The following MGAT4C variants were observed in gnomAD, a reference collection of about 807,000 sequenced individuals.
The protein encoded by MGAT4C is alpha-1,3-mannosyl-glycoprotein 4-beta-N-acetylglucosaminyltransferase C.
MGAT4C carries 19 observed loss-of-function variants against 40.1 expected under a neutral mutation model. The observed-to-expected ratio is 0.47, with a 90% CI of 0.33 to 0.70. The LOEUF (loss-of-function observed/expected upper bound fraction) is 0.70, where lower values mean the gene tolerates loss of function less well. Among genes scored for constraint, MGAT4C ranks in the 30% least tolerant of loss-of-function variants. The probability of loss-of-function intolerance (pLI) is 0.02; values close to 1 mark genes in which losing one functional copy is unlikely to be tolerated. For missense variants in MGAT4C, 491 were observed against 563.2 expected, an observed-to-expected ratio of 0.87 and a Z score of 1.30; for synonymous variants, 181 against 187.1, an observed-to-expected ratio of 0.97 and a Z score of 0.27.
chr12:86,465,850 C>T (rs1275580112), intron 2 of MGAT4C, among the ~76,000 whole-genome samples: 1 of 151,990 alleles, frequency 6.6e-6, no homozygotes, highest in African/African-American at 2.4e-5. Context: ...CATTCTCTTA[C>T]CATATAATCC....
chr12:86,419,933 T>C (rs966246205), intron 3 of MGAT4C, among the ~76,000 whole-genome samples: 8 of 152,076 alleles, frequency 5.3e-5, no homozygotes, highest in Admixed American at 3.9e-4. Flanking sequence ...AAAACAGAGA[T>C]AGGAAAAAAC....
At chr12:86,019,494 C>A (rs1305750990) in intron 2 of MGAT4C, among the ~76,000 whole-genome samples, 1 of 152,046 alleles carries the variant, frequency 6.6e-6, no homozygotes, top group African/African-American at 2.4e-5. Flanking sequence ...GCTTCAAAGT[C>A]AAGTTAAAAA....
chr12:86,066,093 A>G (rs1283542668), intron 1 of MGAT4C, among the ~76,000 whole-genome samples: 1 of 152,078 alleles, frequency 6.6e-6, no homozygotes, highest in East Asian at 1.9e-4. Context: ...TTCCTTGCTC[A>G]GGGAGAGGAA....
chr12:86,614,192 T>A (rs1039616250), intron 2 of MGAT4C, among the ~76,000 whole-genome samples: 1 of 152,170 alleles, frequency 6.6e-6, no homozygotes, highest in Non-Finnish European at 1.5e-5. Context: ...TCTGGTTCTA[T>A]CCAGTGTGTT....
intron 3 of MGAT4C, among the ~76,000 whole-genome samples, chr12:86,381,835 G>A (rs187956752): frequency 7.2e-5 from 11 of 152,228 alleles, no homozygotes; most frequent in East Asian, 1.9e-4. Flanking sequence ...TGCTGTTCTC[G>A]TAATAGTGAA....
intron 1 of MGAT4C, among the ~76,000 whole-genome samples, chr12:86,741,218 C>A (rs1193707768): frequency 6.6e-6 from 1 of 150,854 alleles, no homozygotes; most frequent in Admixed American, 6.6e-5. Context: ...GTACTGTTGA[C>A]AATAGCAAAG....
chr12:86,268,370 C>T (rs1006139534), intron 4 of MGAT4C, among the ~76,000 whole-genome samples: 4 of 151,974 alleles, frequency 2.6e-5, no homozygotes, highest in Non-Finnish European at 5.9e-5. Context: ...ACTGGCCCAT[C>T]ACAAAAGAGT....
At chr12:86,391,278 A>G (rs1390883180) in intron 3 of MGAT4C, among the ~76,000 whole-genome samples, 2 of 152,184 alleles carry the variant, frequency 1.3e-5, no homozygotes, top group Non-Finnish European at 2.9e-5. Context: ...TTTGATTTTT[A>G]GAGTAAAGGA....
intron 3 of MGAT4C, among the ~76,000 whole-genome samples, chr12:86,411,138 T>G (rs1430612893): frequency 6.6e-6 from 1 of 152,144 alleles, no homozygotes; most frequent in Non-Finnish European, 1.5e-5. Flanking sequence ...AAAATAGCAA[T>G]GTGAGAATGG....
intron 4 of MGAT4C, among the ~76,000 whole-genome samples, chr12:86,283,329 G>A (rs900240432): frequency 6.6e-6 from 1 of 151,898 alleles, no homozygotes; most frequent in African/African-American, 2.4e-5. Flanking sequence ...TTCTTATAGT[G>A]TTTTATAGTG....
At chr12:86,051,069 T>TTGGTTTATGGAGTTTATG (rs1892847159) in intron 1 of MGAT4C, among the ~76,000 whole-genome samples, 2 of 151,972 alleles carry the variant, frequency 1.3e-5, no homozygotes, top group African/African-American at 2.4e-5. Context: ...AGCAAGGTGT[T>TTGGTTTATGGAGTTTATG]TGGTTTATGG....
At chr12:86,373,642 A>G (rs1297198548) in intron 3 of MGAT4C, among the ~76,000 whole-genome samples, 3 of 150,394 alleles carry the variant, frequency 2.0e-5, no homozygotes, top group Admixed American at 1.3e-4. Flanking sequence ...CTGCCATCAC[A>G]AAAGAAAATA....
chr12:86,774,365 TC>T (rs1951711832), intron 1 of MGAT4C, among the ~76,000 whole-genome samples: 1 of 40,642 alleles, frequency 2.5e-5, no homozygotes, highest in Non-Finnish European at 6.6e-5. Context: ...CCTCTCTCTC[TC>T]TCTCTTTCTG....
chr12:86,807,081 T>C (rs1429598479), intron 1 of MGAT4C, among the ~76,000 whole-genome samples: 1 of 151,938 alleles, frequency 6.6e-6, no homozygotes, highest in South Asian at 2.1e-4. Flanking sequence ...TGAAACTATA[T>C]ATAAGTTGCT....
intron 2 of MGAT4C, among the ~76,000 whole-genome samples, chr12:86,440,724 C>T (rs963860482): frequency 6.6e-6 from 1 of 151,954 alleles, no homozygotes; most frequent in Non-Finnish European, 1.5e-5. Flanking sequence ...ACCTAGGAAA[C>T]CCTAAAGAGT....
In MGAT4C at chr12:86,721,217, A is replaced by G. The variant is rs553479059; in HGVS notation, c.-229+5992T>C. Among the ~76,000 whole-genome samples the G allele has an allele frequency of 2.0e-5, 3 of 151,326 alleles. No individual in the cohort carries two copies. In the South Asian group the frequency reaches 6.3e-4, roughly 32 times the overall value. On this transcript the variant is annotated intron_variant, in intron 2 of 7. Coordinates refer to the MGAT4C transcript ENST00000548651. The stretch of plus-strand genomic sequence containing the variant: ...AATGTGATGCACCATGTGTGGATCT[A>G]GCAGGAAGCACACTGGCCTGTAATC...
intron 3 of MGAT4C, among the ~76,000 whole-genome samples, chr12:86,336,957 T>C (rs1954803535): frequency 6.6e-6 from 1 of 152,228 alleles, no homozygotes. Context: ...AATTTGACTC[T>C]ACCTCTCATA....
chr12:86,046,049 G>A (rs1892369189), intron 2 of MGAT4C, among the ~76,000 whole-genome samples: 1 of 152,112 alleles, frequency 6.6e-6, no homozygotes, highest in Non-Finnish European at 1.5e-5. Context: ...TTCTTAACAT[G>A]TCCCTACAGA....
intron 1 of MGAT4C, among the ~76,000 whole-genome samples, chr12:86,226,789 A>C (rs1951099426): frequency 6.6e-6 from 1 of 151,762 alleles, no homozygotes; most frequent in South Asian, 2.1e-4. Flanking sequence ...AGCGTTGTCA[A>C]AAGTTTTTAA....
Sources: gnomAD v4.1 joint callset for allele counts (sites outside exome capture counted in the v4.1 genomes callset) on GRCh38, gnomAD v4.1.1 for gene constraint, MANE v1.5 for transcripts, NCBI Gene and HGNC (gene_info 2026-07-23, HGNC 2026-07-21) for gene names.